Variants in EEFSEC observed in about 807,000 individuals in gnomAD.
The protein encoded by EEFSEC is selenocysteine-specific elongation factor.
EEFSEC carries 43 observed loss-of-function variants against 42.1 expected under a neutral mutation model. The ratio of observed to expected loss-of-function variants is 1.02; its 90% CI spans 0.80 to 1.32. EEFSEC has a LOEUF of 1.32. Ranked by LOEUF, EEFSEC falls within the 40% of genes most tolerant of loss-of-function variation. The pLI is 0.00. For synonymous variants in EEFSEC, 354 were observed against 339.1 expected, an observed-to-expected ratio of 1.04 and a Z score of -0.48; for missense variants, 745 against 803.6, an observed-to-expected ratio of 0.93 and a Z score of 0.88.
chr3:128,261,931 C>G (rs903154438), intron 2 of EEFSEC, among the ~76,000 whole-genome samples, 197 bp from the exon 3 acceptor site: 1 of 152,168 alleles, frequency 6.6e-6, no homozygotes, highest in South Asian at 2.1e-4. Flanking sequence ...ACATTTCCCC[C>G]AGACGGGGAA....
At chr3:128,352,419 C>T (rs1220928434) in intron 5 of EEFSEC, among the ~76,000 whole-genome samples, 1 of 152,222 alleles carries the variant, frequency 6.6e-6, no homozygotes, top group Non-Finnish European at 1.5e-5. Context: ...CAGCTCCTGC[C>T]TTCCAGGACT....
At chr3:128,216,389 C>T (rs1576551916) in intron 1 of EEFSEC, among the ~76,000 whole-genome samples, 2 of 152,186 alleles carry the variant, frequency 1.3e-5, no homozygotes, top group East Asian at 1.9e-4. Flanking sequence ...TTGTAGAAGC[C>T]GAAACTAGCT....
intron 5 of EEFSEC, 126 bp from the exon 6 acceptor site, chr3:128,358,091 G>T: frequency 7.9e-7 from 1 of 1,270,546 alleles, no homozygotes; most frequent in Non-Finnish European, 1.1e-6. Context: ...TACCCACAGG[G>T]TTCCTAGAGC....
chr3:128,366,440 G>C (rs969506793), intron 6 of EEFSEC, among the ~76,000 whole-genome samples: 1 of 152,208 alleles, frequency 6.6e-6, no homozygotes, highest in Non-Finnish European at 1.5e-5. Flanking sequence ...CCTGCCAGCA[G>C]CCCAGGGAAA....
chr3:128,424,426 G>C, the EEFSEC span, among the ~76,000 whole-genome samples: 1 of 152,132 alleles, frequency 6.6e-6, no homozygotes, highest in African/African-American at 2.4e-5. Context: ...CTGTCACCTA[G>C]GTTGGAGTGC....
intron 4 of EEFSEC, among the ~76,000 whole-genome samples, chr3:128,301,854 A>T (rs777688880): frequency 1.3e-5 from 2 of 152,110 alleles, no homozygotes; most frequent in Admixed American, 6.5e-5. Context: ...AAGAACTCCC[A>T]TGGGGGGCAG....
At chr3:128,314,817 G>A (rs949836686) in intron 4 of EEFSEC, among the ~76,000 whole-genome samples, 3 of 152,206 alleles carry the variant, frequency 2.0e-5, no homozygotes, top group Admixed American at 1.3e-4. Context: ...CAGAGGTGGG[G>A]GAGTCACCCC....
intron 4 of EEFSEC, among the ~76,000 whole-genome samples, chr3:128,271,593 T>C (rs547400696): frequency 1.2e-4 from 18 of 152,246 alleles, no homozygotes; most frequent in African/African-American, 4.3e-4. Flanking sequence ...CAGGAAGGTT[T>C]TGGGAAAGCC....
chr3:128,251,399 T>A (rs371573392), intron 2 of EEFSEC, among the ~76,000 whole-genome samples: 3 of 152,372 alleles, frequency 2.0e-5, no homozygotes, highest in East Asian at 3.9e-4. Flanking sequence ...CATTGCCATA[T>A]TATTTTCCAG....
intron 4 of EEFSEC, among the ~76,000 whole-genome samples, chr3:128,295,534 C>A (rs1553752397): frequency 8.2e-6 from 1 of 122,476 alleles, no homozygotes; most frequent in Non-Finnish European, 1.6e-5. Context: ...CAACATAATT[C>A]ATTGCCATTG....
chr3:128,367,995 G>T (rs555356957), intron 6 of EEFSEC, among the ~76,000 whole-genome samples: 1 of 152,348 alleles, frequency 6.6e-6, no homozygotes, highest in East Asian at 1.9e-4. Context: ...CCAGTCACAT[G>T]GCCTGATGCC....
At chr3:128,348,193 G>A (rs1425045699) in intron 5 of EEFSEC, among the ~76,000 whole-genome samples, 2 of 151,732 alleles carry the variant, frequency 1.3e-5, no homozygotes, top group South Asian at 2.1e-4. Flanking sequence ...CCACTAAAAT[G>A]AGAAACAAAG....
intron 6 of EEFSEC, among the ~76,000 whole-genome samples, chr3:128,400,769 G>A (rs2068039654): frequency 6.6e-6 from 1 of 152,264 alleles, no homozygotes; most frequent in Admixed American, 6.5e-5. Context: ...GGCCATGTCA[G>A]GGCGGCACCA....
chr3:128,372,264 G>C (rs1179158661), intron 6 of EEFSEC, among the ~76,000 whole-genome samples: 1 of 152,206 alleles, frequency 6.6e-6, no homozygotes, highest in East Asian at 1.9e-4. Context: ...ATACCTGAGA[G>C]AAAGTTCCAG....
chr3:128,216,518 G>T (rs1301068532), intron 1 of EEFSEC, among the ~76,000 whole-genome samples: 1 of 152,056 alleles, frequency 6.6e-6, no homozygotes, highest in African/African-American at 2.4e-5. Flanking sequence ...TGATGTCCCT[G>T]CTAGGCCTTC....
chr3:128,166,775 A>C (rs968647698), intron 1 of EEFSEC, among the ~76,000 whole-genome samples: 2 of 151,546 alleles, frequency 1.3e-5, no homozygotes, highest in Non-Finnish European at 2.9e-5. Flanking sequence ...ATCCATCACC[A>C]CGCCTTCTCC....
intron 4 of EEFSEC, among the ~76,000 whole-genome samples, chr3:128,309,639 G>A (rs1053492653): frequency 6.6e-6 from 1 of 152,194 alleles, no homozygotes; most frequent in Non-Finnish European, 1.5e-5. Context: ...AGAGGATGCT[G>A]GCAGAGGGTG....
intron 4 of EEFSEC, among the ~76,000 whole-genome samples, chr3:128,322,407 C>T (rs2067017535): frequency 6.6e-6 from 1 of 152,272 alleles, no homozygotes; most frequent in African/African-American, 2.4e-5. Flanking sequence ...CTGCCGACAT[C>T]ATCATCACGG....
At chr3:128,209,752 A>G (rs1014642944) in intron 1 of EEFSEC, among the ~76,000 whole-genome samples, 2 of 152,260 alleles carry the variant, frequency 1.3e-5, no homozygotes, top group Non-Finnish European at 2.9e-5. Flanking sequence ...AATTCTAGCT[A>G]CAAACTATGA....
Sources: allele counts gnomAD v4.1 joint callset (sites outside exome capture counted in the v4.1 genomes callset), GRCh38; gene constraint gnomAD v4.1.1; transcripts MANE v1.5; gene names NCBI Gene and HGNC (gene_info 2026-07-23, HGNC 2026-07-21).